IGF1R: variants seen among roughly 807,000 people sequenced by gnomAD.
IGF1R encodes insulin-like growth factor 1 receptor.
A neutral mutation model predicts 144.6 loss-of-function variants in IGF1R; 44 were observed. The observed-to-expected ratio is 0.30, with a 90% CI of 0.24 to 0.39. The LOEUF (loss-of-function observed/expected upper bound fraction) is 0.39, where lower values mean the gene tolerates loss of function less well. IGF1R is among the 10% of genes least tolerant of loss of function. IGF1R has a pLI of 1.00. For missense variants in IGF1R, 1,355 were observed against 1,833.7 expected (o/e 0.74, Z 4.77); for synonymous variants, 795 against 722.8 (o/e 1.10, Z -1.60).
chr15:98,695,941 G>T (rs767207304), intron 1 of IGF1R, among the ~76,000 whole-genome samples: 3 of 150,790 alleles, frequency 2.0e-5, no homozygotes, highest in African/African-American at 7.4e-5. Context: ...ATGTGTGGAG[G>T]CAGAAACCCA....
intron 2 of IGF1R, among the ~76,000 whole-genome samples, chr15:98,859,201 A>G (rs1439208601): frequency 6.6e-6 from 1 of 152,182 alleles, no homozygotes; most frequent in Non-Finnish European, 1.5e-5. Flanking sequence ...AAAATTCAGC[A>G]TGTCCACCTG....
intron 1 of IGF1R, among the ~76,000 whole-genome samples, chr15:98,664,942 A>G (rs2052694663): frequency 6.7e-6 from 1 of 149,200 alleles, no homozygotes; most frequent in Admixed American, 6.7e-5. Context: ...TTGACTGCAG[A>G]ATTAGGAACC....
chr15:98,754,480 G>C (rs2055098724), intron 2 of IGF1R, among the ~76,000 whole-genome samples: 1 of 152,138 alleles, frequency 6.6e-6, no homozygotes, highest in Non-Finnish European at 1.5e-5. Context: ...TTGTGGTTGT[G>C]ATAAACTCCC....
intron 1 of IGF1R, among the ~76,000 whole-genome samples, chr15:98,657,139 C>T (rs1386860925): frequency 3.3e-5 from 5 of 152,128 alleles, no homozygotes; most frequent in Admixed American, 2.0e-4. Flanking sequence ...TGCTTGATTA[C>T]GTAAATGAGA....
intron 1 of IGF1R, among the ~76,000 whole-genome samples, chr15:98,662,233 G>A (rs987036393): frequency 4.6e-5 from 7 of 151,762 alleles, no homozygotes; most frequent in African/African-American, 4.8e-5. Flanking sequence ...CACCGACCTC[G>A]GCCTCCCATA....
rs770178738 is a variant in IGF1R at position 98,963,007 on chromosome 15, A to G, written c.*5565A>G. On this transcript the variant is annotated 3_prime_UTR_variant, in exon 21 of 21. Coordinates refer to ENST00000650285, the MANE Select transcript of IGF1R (RefSeq NM_000875.5). ...TCAACATTGTTTTAACTAGTCACTCATTAGCGTTTTCAATAGGGCTCTTAA... is the reference window on the plus strand; with the variant it reads ...TCAACATTGTTTTAACTAGTCACTCGTTAGCGTTTTCAATAGGGCTCTTAA... The G allele has an allele frequency of 7.7e-5, 18 of 233,580 alleles. No homozygotes were observed. Among genetic ancestry groups the G allele is most frequent in the Non-Finnish European group, 1.5e-4 (18 of 118,052 alleles). The allele number at this position is 233,580 out of a possible 1,614,324, so 14.5% of individuals were successfully genotyped here.
chr15:98,755,609 C>T (rs78178097), intron 2 of IGF1R, among the ~76,000 whole-genome samples: 5,182 of 149,820 alleles, frequency 0.035, 311 homozygotes, highest in African/African-American at 0.12. Flanking sequence ...GGCGTGGTGG[C>T]AGTGGAGGCT....
At chr15:98,721,127 C>T (rs2054237311) in intron 2 of IGF1R, among the ~76,000 whole-genome samples, 1 of 152,212 alleles carries the variant, frequency 6.6e-6, no homozygotes, top group African/African-American at 2.4e-5. Context: ...TGAGGCTACG[C>T]TCTTCGTGGT....
chr15:98,766,665 G>T (rs549915283), intron 2 of IGF1R, among the ~76,000 whole-genome samples: 219 of 152,148 alleles, frequency 1.4e-3, no homozygotes, highest in African/African-American at 5.2e-3. Flanking sequence ...TAGTCCTTTT[G>T]TAAAAACTTG....
At chr15:98,688,561 C>T (rs565246713) in intron 1 of IGF1R, among the ~76,000 whole-genome samples, 1 of 152,174 alleles carries the variant, frequency 6.6e-6, no homozygotes, top group African/African-American at 2.4e-5. Context: ...GAGTGTGCTT[C>T]ATGTTTTCTA....
At chr15:98,649,775 G>A (rs1370492523) in intron 1 of IGF1R, 100 bp downstream of exon 1, 1 of 895,072 alleles carries the variant, frequency 1.1e-6, no homozygotes, top group Non-Finnish European at 1.8e-6. Flanking sequence ...GCAGCTGTCG[G>A]GCCCCCGGGC....
chr15:98,710,700 C>G (rs923617262), intron 2 of IGF1R, among the ~76,000 whole-genome samples: 1 of 144,438 alleles, frequency 6.9e-6, no homozygotes, highest in Non-Finnish European at 1.5e-5. Flanking sequence ...GAGTTTCGCT[C>G]TCATCACCCA....
intron 13 of IGF1R, among the ~76,000 whole-genome samples, chr15:98,928,156 C>T (rs368272810): frequency 1.5e-4 from 23 of 152,242 alleles, no homozygotes; most frequent in Middle Eastern, 3.4e-3. Context: ...CCACCAGCAC[C>T]GCCACAGCTC....
At chr15:98,672,331 G>A (rs193230282) in intron 1 of IGF1R, among the ~76,000 whole-genome samples, 2 of 152,290 alleles carry the variant, frequency 1.3e-5, no homozygotes, top group South Asian at 2.1e-4. Flanking sequence ...TTGGGAGGCC[G>A]AGGCGGGCGG....
chr15:98,715,296 T>G (rs2054087718), intron 2 of IGF1R, among the ~76,000 whole-genome samples: 1 of 152,172 alleles, frequency 6.6e-6, no homozygotes. Context: ...AGACTTTGCT[T>G]TTGGCTAATT....
Position 98,874,856 on chromosome 15 carries a change from T to C in IGF1R, c.641-16469T>C, listed in dbSNP as rs544563185. Among the ~76,000 whole-genome samples, 10 of 152,238 alleles carry C rather than the reference T, an allele frequency of 6.6e-5. No individual in the cohort carries two copies. The East Asian group carries it at 1.2e-3, about 18-fold the overall frequency. ...CTCCCTTCCCAGGTCCTCTGGGTGATTGGGGGAAACTGAGAAGCCGTTCTC... is the reference window on the plus strand; with the variant it reads ...CTCCCTTCCCAGGTCCTCTGGGTGACTGGGGGAAACTGAGAAGCCGTTCTC... On this transcript the variant is annotated intron_variant, in intron 2 of 20. Coordinates refer to ENST00000650285, the MANE Select transcript of IGF1R (RefSeq NM_000875.5).
intron 1 of IGF1R, among the ~76,000 whole-genome samples, chr15:98,691,145 T>G (rs1016980365): frequency 1.1e-4 from 17 of 152,176 alleles, no homozygotes; most frequent in African/African-American, 4.1e-4. Context: ...AAGACTTTTT[T>G]TGGATTTTAC....
At chr15:98,692,527 G>T (rs375861224) in intron 1 of IGF1R, among the ~76,000 whole-genome samples, 4 of 152,268 alleles carry the variant, frequency 2.6e-5, no homozygotes, top group African/African-American at 9.6e-5. Flanking sequence ...ATATCTTAGT[G>T]TGCATTTCTC....
intron 1 of IGF1R, among the ~76,000 whole-genome samples, chr15:98,682,608 C>T (rs896388786): frequency 2.6e-5 from 4 of 152,000 alleles, no homozygotes; most frequent in Non-Finnish European, 5.9e-5. Flanking sequence ...AGTGCAGTGG[C>T]CTGATCTCGG....
Sources: allele counts gnomAD v4.1 joint callset (sites outside exome capture counted in the v4.1 genomes callset), GRCh38; gene constraint gnomAD v4.1.1; transcripts MANE v1.5; gene names NCBI Gene and HGNC (gene_info 2026-07-23, HGNC 2026-07-21).